LRRC1: variants seen among roughly 807,000 people sequenced by gnomAD.
LRRC1 encodes leucine rich repeat containing 1.
Under a neutral mutation model 69.9 loss-of-function variants are expected in LRRC1, and 28 were observed. The ratio of observed to expected loss-of-function variants is 0.40; its 90% CI spans 0.30 to 0.55. The LOEUF is 0.55. Among genes scored for constraint, LRRC1 ranks in the 20% least tolerant of loss-of-function variants. The probability of loss-of-function intolerance (pLI) is 0.47; values close to 1 mark genes in which losing one functional copy is unlikely to be tolerated. For missense variants in LRRC1, 498 were observed against 609.0 expected (o/e 0.82, Z 1.92); for synonymous variants, 236 against 240.2 (o/e 0.98, Z 0.16).
chr6:53,851,256 C>A (rs1228774589), intron 2 of LRRC1, among the ~76,000 whole-genome samples: 1 of 150,942 alleles, frequency 6.6e-6, no homozygotes, highest in Admixed American at 6.6e-5. Context: ...TTCCTAATCT[C>A]TCTCTCTGAG....
At chr6:53,869,120 T>C (rs911093243) in intron 2 of LRRC1, among the ~76,000 whole-genome samples, 6 of 152,250 alleles carry the variant, frequency 3.9e-5, no homozygotes, top group East Asian at 3.9e-4. Context: ...GCTGTTCGGA[T>C]TTGATGGAGG....
In LRRC1 at chr6:53,892,813, G is replaced by A. The variant is rs559151175; in HGVS notation, c.447-3685G>A. Among the ~76,000 whole-genome samples the A allele has an allele frequency of 7.2e-5, 11 of 152,324 alleles. No homozygotes were observed. The South Asian group carries it at 2.3e-3, about 32-fold the overall frequency. ...ACATTTTGGTGAAGGACTGTCCAAG[G>A]CAAGCTACTGATGTGAACCAAACCC... is the stretch of plus-strand genomic sequence containing the variant. On this transcript the variant is annotated intron_variant, in intron 4 of 13. Transcript: ENST00000370888.
At chr6:53,839,508 G>A (rs1765704280) in intron 1 of LRRC1, among the ~76,000 whole-genome samples, 1 of 152,148 alleles carries the variant, frequency 6.6e-6, no homozygotes, top group Admixed American at 6.5e-5. Flanking sequence ...AAAAACAGCA[G>A]CCTCTTGCCT....
chr6:53,853,875 A>G (rs572246906), intron 2 of LRRC1, among the ~76,000 whole-genome samples: 1 of 152,320 alleles, frequency 6.6e-6, no homozygotes, highest in South Asian at 2.1e-4. Context: ...ATTACTGATG[A>G]TGAAAATCAT....
At chr6:53,896,423 G>C in intron 4 of LRRC1, 75 bp from the exon 5 acceptor site, 1 of 1,219,880 alleles carries the variant, frequency 8.2e-7, no homozygotes, top group South Asian at 1.2e-5. Context: ...TGTCCAGTGT[G>C]TGTATGGGGG....
Position 53,919,605 on chromosome 6 carries a change from C to G in LRRC1, c.1214C>G (p.Thr405Ser). 1 of 1,613,896 alleles carries G rather than the reference C, an allele frequency of 6.2e-7. No homozygotes were observed. Among genetic ancestry groups the G allele is most frequent in the Non-Finnish European group, 8.5e-7 (1 of 1,179,888 alleles). ...LLTFQTDTDY[T>S]TGEKILTCVL... Reference sequence around the variant, plus strand: ...ACATTCCAGACAGACACAGACTACACCACAGGAGAGAAGATTTTAACCTGT... The same window carrying G: ...ACATTCCAGACAGACACAGACTACAGCACAGGAGAGAAGATTTTAACCTGT... The change falls in exon 12 of 14, where the codon ACC (threonine) becomes AGC (serine). Residue 405 changes from threonine (T) to serine (S), a missense_variant. Thr to Ser is a moderately conservative substitution (Grantham distance 58). Around this residue, in one of 3 missense-constraint regions of LRRC1, gnomAD observed 162 missense variants for 162.9 expected, o/e 0.99. Coordinates refer to ENST00000370888, the MANE Select transcript of LRRC1 (RefSeq NM_018214.5).
intron 11 of LRRC1, among the ~76,000 whole-genome samples, chr6:53,915,549 G>T (rs1037641916): frequency 2.0e-5 from 3 of 152,140 alleles, no homozygotes; most frequent in Non-Finnish European, 4.4e-5. Flanking sequence ...GTCAACATTT[G>T]CTGGTTCTTG....
rs1224458888 is a variant in LRRC1, at chr6:53,920,695, T to C, written c.1350T>C (p.Arg450=). The change falls in exon 13 of 14, where the codon CGT becomes CGC. Residue 450 remains arginine, a synonymous_variant. Transcript: ENST00000370888. ...NDVSDEAWNE[R]AVNRVSAIRF... ...TCTCTGATGAAGCCTGGAACGAGCG[T>C]GCTGTCAACAGAGTCAGTGCGATCC... is the stretch of plus-strand genomic sequence containing the variant. 3 of 1,614,108 alleles carry C rather than the reference T, an allele frequency of 1.9e-6. No homozygotes were observed. Among genetic ancestry groups the C allele is most frequent in the Non-Finnish European group, 2.5e-6 (3 of 1,179,980 alleles).
intron 1 of LRRC1, among the ~76,000 whole-genome samples, chr6:53,813,453 C>T (rs1764855896): frequency 6.6e-6 from 1 of 151,554 alleles, no homozygotes; most frequent in Non-Finnish European, 1.5e-5. Flanking sequence ...CCAGAGAGTG[C>T]ATGCCCCCTC....
chr6:53,922,801 C>T lies in LRRC1; in HGVS notation c.*8C>T, dbSNP rs1384250483. On this transcript the variant is annotated 3_prime_UTR_variant, in exon 14 of 14. Transcript: ENST00000370888. ...GTGACCACTTCTGTGTAGAGTTTCA[C>T]CTCCAAGTTTTACCTCCTGTGTCTT... 6.2e-7 allele frequency: 1 copy of T among 1,610,680 alleles called. No homozygotes were observed. The highest frequency in any genetic ancestry group is 1.7e-5 in the Admixed American group (1 of 59,902).
chr6:53,818,616 A>T (rs915491142), intron 1 of LRRC1, among the ~76,000 whole-genome samples: 4 of 152,216 alleles, frequency 2.6e-5, no homozygotes, highest in African/African-American at 7.2e-5. Context: ...AAACAATGCT[A>T]AACTCTGTAT....
chr6:53,832,164 T>A (rs142187423), intron 1 of LRRC1, among the ~76,000 whole-genome samples: 2 of 152,304 alleles, frequency 1.3e-5, no homozygotes, highest in East Asian at 3.9e-4. Context: ...TGACTTTTGT[T>A]TTTTTCTCGG....
At chr6:53,898,310 C>G (rs545802864) in intron 7 of LRRC1, among the ~76,000 whole-genome samples, 2 of 152,106 alleles carry the variant, frequency 1.3e-5, no homozygotes, top group Admixed American at 6.5e-5. Flanking sequence ...GAGTTCGATT[C>G]GTACTTAGAT....
At chr6:53,830,417 TA>T (rs1581859262) in intron 1 of LRRC1, among the ~76,000 whole-genome samples, 1 of 152,208 alleles carries the variant, frequency 6.6e-6, no homozygotes, top group African/African-American at 2.4e-5. Flanking sequence ...GTAGGGGAAT[TA>T]AAAAACTTTG....
At chr6:53,875,864 T>C (rs1354575045) in intron 2 of LRRC1, among the ~76,000 whole-genome samples, 1 of 152,244 alleles carries the variant, frequency 6.6e-6, no homozygotes, top group African/African-American at 2.4e-5. Flanking sequence ...CATACTCATC[T>C]AAAGCATTTA....
At chr6:53,797,832 G>A (rs975004954) in intron 1 of LRRC1, among the ~76,000 whole-genome samples, 1 of 152,112 alleles carries the variant, frequency 6.6e-6, no homozygotes, top group African/African-American at 2.4e-5. Context: ...ACTTTCTCAG[G>A]GCTGTCCAGT....
chr6:53,878,348 A>G (rs954008183), intron 2 of LRRC1, among the ~76,000 whole-genome samples: 1 of 152,162 alleles, frequency 6.6e-6, no homozygotes, highest in African/African-American at 2.4e-5. Context: ...TTCTATTATT[A>G]TTACATTGTA....
intron 2 of LRRC1, among the ~76,000 whole-genome samples, chr6:53,844,835 T>C (rs951381575): frequency 2.0e-5 from 3 of 152,124 alleles, no homozygotes; most frequent in Non-Finnish European, 2.9e-5. Context: ...AGTAGCATTA[T>C]GTGTGTGGTG....
intron 1 of LRRC1, among the ~76,000 whole-genome samples, chr6:53,812,410 G>A (rs541320339): frequency 6.6e-6 from 1 of 152,118 alleles, no homozygotes; most frequent in Non-Finnish European, 1.5e-5. Flanking sequence ...GAAGAAAGAG[G>A]CCGGGCGCGG....
Sources: gnomAD v4.1 joint callset for allele counts (sites outside exome capture counted in the v4.1 genomes callset) on GRCh38, gnomAD v4.1.1 for gene constraint, gnomAD v4.1.1 regional missense constraint, MANE v1.5 for transcripts, NCBI Gene and HGNC (gene_info 2026-07-23, HGNC 2026-07-21) for gene names.